The following ZBTB1 variants were observed in gnomAD, a reference collection of about 807,000 sequenced individuals.
ZBTB1 encodes zinc finger and BTB domain-containing protein 1.
A neutral mutation model predicts 51.6 loss-of-function variants in ZBTB1; 13 were observed. The observed-to-expected ratio is 0.25, with a 90% CI of 0.16 to 0.40. The LOEUF is 0.40. Among genes scored for constraint, ZBTB1 ranks in the 10% least tolerant of loss-of-function variants. ZBTB1 has a pLI of 1.00. For synonymous variants in ZBTB1, 240 were observed against 282.2 expected, an observed-to-expected ratio of 0.85 and a Z score of 1.50; for missense variants, 567 against 856.5, an observed-to-expected ratio of 0.66 and a Z score of 4.22.
At chr14:64,517,518 A>G (rs1441702248) in intron 1 of ZBTB1, among the ~76,000 whole-genome samples, 1 of 152,046 alleles carries the variant, frequency 6.6e-6, no homozygotes, top group Non-Finnish European at 1.5e-5. Context: ...TTTATTATTT[A>G]TTAAATGTCT....
At chr14:64,531,078 T>C (rs1369648942) in intron 2 of ZBTB1, among the ~76,000 whole-genome samples, 3 of 152,206 alleles carry the variant, frequency 2.0e-5, no homozygotes, top group African/African-American at 7.2e-5. Flanking sequence ...ATTATACAGC[T>C]TAAAAAGCCC....
intron 1 of ZBTB1, among the ~76,000 whole-genome samples, chr14:64,520,272 G>C (rs1012307040): frequency 6.6e-6 from 1 of 152,028 alleles, no homozygotes; most frequent in African/African-American, 2.4e-5. Context: ...CAAAGTGCTG[G>C]GATTACAGGT....
exon 3 of ZBTB1, chr14:64,531,990 C>T (rs2079945484): frequency 1.4e-6 from 2 of 1,456,848 alleles, no homozygotes; most frequent in Non-Finnish European, 1.9e-6. Flanking sequence ...TGAAGTGGCA[C>T]CATCTTTTCT....
chr14:64,529,878 TAA>T (rs1397621278), downstream of ZBTB1, among the ~76,000 whole-genome samples: 3 of 152,250 alleles, frequency 2.0e-5, no homozygotes, highest in African/African-American at 7.2e-5. Flanking sequence ...TAGAGCAATC[TAA>T]GTTTGCCTAA....
chr14:64,510,976 T>C lies in ZBTB1; in HGVS notation c.-19+6030T>C, dbSNP rs553102393. ...ATGGGCAGATTTGAGAAATATTTAATGGGAAAATTGGCAACACTTAATGGT... is the reference window on the plus strand; with the variant it reads ...ATGGGCAGATTTGAGAAATATTTAACGGGAAAATTGGCAACACTTAATGGT... On this transcript the variant is annotated intron_variant, in intron 1 of 1. Transcript: ENST00000683701. Among the ~76,000 whole-genome samples the C allele has an allele frequency of 1.1e-4, 17 of 152,204 alleles. No individual in the cohort carries two copies. In the South Asian group the frequency reaches 3.5e-3, roughly 32 times the overall value.
intron 1 of ZBTB1, among the ~76,000 whole-genome samples, chr14:64,517,553 T>C (rs1057426398): frequency 1.3e-5 from 2 of 151,960 alleles, no homozygotes; most frequent in African/African-American, 4.8e-5. Flanking sequence ...AAAATGACTA[T>C]AGACATAGAA....
At chr14:64,505,035 G>C in intron 1 of ZBTB1, 89 bp downstream of exon 1, 1 of 380,028 alleles carries the variant, frequency 2.6e-6, no homozygotes, top group Admixed American at 4.5e-5. Context: ...GTGCGGGGCC[G>C]GAGGGGCGCC....
At chr14:64,533,097 C>T (rs1185599699) in exon 3 of ZBTB1, 1 of 151,994 alleles carries the variant, frequency 6.6e-6, no homozygotes, top group African/African-American at 2.4e-5. Context: ...GCAGAAGTTA[C>T]ATCATTTAAA....
upstream of ZBTB1, among the ~76,000 whole-genome samples, chr14:64,504,274 G>C (rs1366391099): frequency 6.6e-6 from 1 of 151,930 alleles, no homozygotes; most frequent in South Asian, 2.1e-4. Context: ...GGGGGCGCGG[G>C]GACTGGGCGA....
intron 1 of ZBTB1, among the ~76,000 whole-genome samples, chr14:64,505,619 G>C (rs983244664): frequency 1.3e-5 from 2 of 152,212 alleles, no homozygotes; most frequent in Non-Finnish European, 2.9e-5. Context: ...TACTACTAAA[G>C]TATGTAGGCA....
At chr14:64,507,460 C>G (rs2079677666) in intron 1 of ZBTB1, among the ~76,000 whole-genome samples, 1 of 152,166 alleles carries the variant, frequency 6.6e-6, no homozygotes, top group Non-Finnish European at 1.5e-5. Flanking sequence ...GTCATTTTGA[C>G]TCCCACTCCC....
chr14:64,523,113 C>A lies in ZBTB1; in HGVS notation c.1609C>A (p.Pro537Thr). The change falls in exon 2 of 2, where the codon CCT becomes ACT. Residue 537 changes from proline (P) to threonine (T), a missense_variant. By Grantham distance (38) the Pro-to-Thr change is conservative. Around this residue, in one of 5 missense-constraint regions of ZBTB1, gnomAD observed 329 missense variants for 406.3 expected, o/e 0.81. Transcript: ENST00000683701. This position sits in a 1 kb window ranked among gnomAD's most constrained non-coding sequence, Gnocchi z 4.5. The part of the protein sequence containing the change: ...FKHSACPFRC[P>T]NCGQRFETEN... The stretch of plus-strand genomic sequence containing the variant: ...ACATTCTGCCTGCCCTTTTCGATGT[C>A]CTAATTGTGGCCAGCGTTTTGAAAC... 2 of 1,614,132 alleles carry A rather than the reference C, an allele frequency of 1.2e-6. No homozygotes were observed. The highest frequency in any genetic ancestry group is 8.5e-7 in the Non-Finnish European group (1 of 1,180,022).
At chr14:64,528,130 TA>T (rs1481168967), downstream of ZBTB1, among the ~76,000 whole-genome samples, 1 of 152,134 alleles carries the variant, frequency 6.6e-6, no homozygotes, top group Non-Finnish European at 1.5e-5. Flanking sequence ...TTGTATTTAA[TA>T]AATTTCTGGA....
intron 1 of ZBTB1, among the ~76,000 whole-genome samples, chr14:64,510,852 C>A (rs2079717596): frequency 2.0e-5 from 3 of 152,056 alleles, no homozygotes; most frequent in Admixed American, 2.0e-4. Flanking sequence ...AAAAGATTAC[C>A]TGAGAGTGAA....
At chr14:64,517,784 T>A (rs397790090) in intron 1 of ZBTB1, among the ~76,000 whole-genome samples, 3,671 of 87,536 alleles carry the variant, frequency 0.042, 33 homozygotes, top group Middle Eastern at 0.051. Context: ...TATATATATT[T>A]TTTTTTTTTT....
chr14:64,506,710 T>A (rs181410088), intron 1 of ZBTB1, among the ~76,000 whole-genome samples: 4 of 152,366 alleles, frequency 2.6e-5, no homozygotes, highest in African/African-American at 9.6e-5. Flanking sequence ...TGGTATTGAA[T>A]AACTCAGGTT....
intron 1 of ZBTB1, among the ~76,000 whole-genome samples, chr14:64,520,064 C>T (rs568497823): frequency 5.9e-5 from 9 of 151,994 alleles, no homozygotes; most frequent in Middle Eastern, 6.8e-3. Flanking sequence ...TGCAGTGGTG[C>T]GATCTCGGCT....
chr14:64,523,403 G>A lies in ZBTB1; in HGVS notation c.1899G>A (p.Arg633=). Residue 633 remains arginine (R), a synonymous_variant, in exon 2 of 2, where the codon AGG becomes AGA. Coordinates refer to ENST00000683701, the MANE Select transcript of ZBTB1 (RefSeq NM_001123329.2). The surrounding 1 kb of genome is among the most constrained non-coding windows in gnomAD (Gnocchi z 4.5). ...ATGATATGCACAAAGGCATGGCCAG[G>A]TATGTCTGTTCCATTTGTGATCAAG... ...LHNDMHKGMA[R]YVCSICDQGN... 1.2e-6 allele frequency: 2 copies of A among 1,614,186 alleles called. No individual in the cohort carries two copies. The highest frequency in any genetic ancestry group is 1.7e-6 in the Non-Finnish European group (2 of 1,180,018).
At chr14:64,516,132 G>A (rs901645122) in intron 1 of ZBTB1, among the ~76,000 whole-genome samples, 2 of 152,108 alleles carry the variant, frequency 1.3e-5, no homozygotes, top group Admixed American at 6.5e-5. Context: ...CTATTCAGAA[G>A]GTGTGAGGTG....
Sources: allele counts gnomAD v4.1 joint callset (sites outside exome capture counted in the v4.1 genomes callset), GRCh38; gene constraint gnomAD v4.1.1; regional missense constraint gnomAD v4.1.1; non-coding constraint Gnocchi (gnomAD v3.1); transcripts MANE v1.5; gene names NCBI Gene and HGNC (gene_info 2026-07-23, HGNC 2026-07-21).